NRG1: variants seen among roughly 807,000 people sequenced by gnomAD.
NRG1 encodes pro-neuregulin-1, membrane-bound isoform.
In NRG1, 18 loss-of-function variants were observed where a neutral mutation model predicts 63.8. The observed-to-expected ratio is 0.28, with a 90% CI of 0.19 to 0.42. The LOEUF is 0.42. Among genes scored for constraint, NRG1 ranks in the 10% least tolerant of loss-of-function variants. The probability of loss-of-function intolerance (pLI) is 1.00; values close to 1 mark genes in which losing one functional copy is unlikely to be tolerated. For missense variants in NRG1, 762 were observed against 814.7 expected, an observed-to-expected ratio of 0.94 and a Z score of 0.79; for synonymous variants, 302 against 301.3, an observed-to-expected ratio of 1.00 and a Z score of -0.02.
rs148886067 is a variant in NRG1 at position 32,149,693 on chromosome 8, G to A, written c.38-446135G>A. Among the ~76,000 whole-genome samples, 89 of 152,280 alleles carry A rather than the reference G, an allele frequency of 5.8e-4. No individual in the cohort carries two copies. In the East Asian group the frequency reaches 0.016, roughly 28 times the overall value. On this transcript the variant is annotated intron_variant, in intron 1 of 10. Transcript: ENST00000519301. ...TTAAAGAAAAAGGCGGAAGAATGAGGTAAAATGGCCACTATCTGTCAGGAA... is the reference window on the plus strand; with the variant it reads ...TTAAAGAAAAAGGCGGAAGAATGAGATAAAATGGCCACTATCTGTCAGGAA...
At chr8:32,295,617 C>T (rs980308076) in intron 1 of NRG1, among the ~76,000 whole-genome samples, 5 of 152,072 alleles carry the variant, frequency 3.3e-5, no homozygotes, top group Admixed American at 1.3e-4. Context: ...GCATTTTGGT[C>T]TTTCTATCTC....
chr8:32,369,091 G>A (rs1808463855), intron 1 of NRG1, among the ~76,000 whole-genome samples: 1 of 152,222 alleles, frequency 6.6e-6, no homozygotes, highest in Non-Finnish European at 1.5e-5. Flanking sequence ...GGTTGACAGA[G>A]GGAAATTGAT....
At chr8:31,962,763 A>G (rs1192915099) in intron 1 of NRG1, among the ~76,000 whole-genome samples, 3 of 152,120 alleles carry the variant, frequency 2.0e-5, no homozygotes, top group Non-Finnish European at 1.5e-5. Context: ...GTTGCCTGCC[A>G]TTTCTCTTAT....
rs78334233 is a variant in NRG1, at chr8:31,971,753, T to C, written c.37+332322T>C. The stretch of plus-strand genomic sequence containing the variant: ...AACCTTGAAGACAATTTTAGTTACC[T>C]CCAGGCTAATCATTTCCTTTTTCTT... On this transcript the variant is annotated intron_variant, in intron 1 of 10. Transcript: ENST00000519301. Among the ~76,000 whole-genome samples the C allele has an allele frequency of 1.9e-3, 289 of 152,264 alleles. 9 individuals carry two copies. The East Asian group carries it at 0.05, about 26-fold the overall frequency.
intron 1 of NRG1, among the ~76,000 whole-genome samples, chr8:32,558,816 C>T (rs190653826): frequency 5.3e-5 from 8 of 152,206 alleles, no homozygotes; most frequent in African/African-American, 1.2e-4. Context: ...GCACGTGGCT[C>T]ATGCCTGTAA....
chr8:32,220,419 A>T (rs1286187768), intron 1 of NRG1, among the ~76,000 whole-genome samples: 1 of 151,912 alleles, frequency 6.6e-6, no homozygotes, highest in East Asian at 1.9e-4. Context: ...AATATAAGGG[A>T]CGGAGCGGAG....
At chr8:32,728,246 CCT>C (rs1411962157) in intron 6 of NRG1, 168 bp downstream of exon 6, 20 of 985,258 alleles carry the variant, frequency 2.0e-5, no homozygotes, top group South Asian at 4.7e-5. Context: ...CGTCATCACT[CCT>C]CTGTCATATG....
chr8:31,913,992 A>C (rs564649427), intron 1 of NRG1, among the ~76,000 whole-genome samples: 1 of 152,192 alleles, frequency 6.6e-6, no homozygotes, highest in Non-Finnish European at 1.5e-5. Context: ...CGAGCAGTAC[A>C]TCATAGCAAC....
At chr8:32,239,232 T>C (rs187771580) in intron 1 of NRG1, among the ~76,000 whole-genome samples, 1 of 151,866 alleles carries the variant, frequency 6.6e-6, no homozygotes, top group East Asian at 1.9e-4. Flanking sequence ...ACTTTGAGTT[T>C]TGACAAAAAA....
At chr8:31,918,638 A>G (rs1299287999) in intron 1 of NRG1, among the ~76,000 whole-genome samples, 5 of 152,108 alleles carry the variant, frequency 3.3e-5, no homozygotes, top group Non-Finnish European at 5.9e-5. Flanking sequence ...ATCAATGTTC[A>G]TCAAGGATAT....
rs567767113 is a variant in NRG1, at chr8:32,106,959, ACGC to A, written c.37+467530_37+467532del. 9.0e-4 allele frequency among the ~76,000 whole-genome samples: 137 copies of A among 152,324 alleles called. 1 individual carries two copies. Among genetic ancestry groups the A allele is most frequent in the African/African-American group, 3.1e-3 (128 of 41,568 alleles). ...AAGTTTTGGCCAGCCGCAGTGGCTCACGCCTGTAATCCCAGTACTTTGCCCGAG... is the reference window on the plus strand; with the variant it reads ...AAGTTTTGGCCAGCCGCAGTGGCTCACTGTAATCCCAGTACTTTGCCCGAG... On this transcript the variant is annotated intron_variant, in intron 1 of 10. Transcript: ENST00000519301.
At chr8:32,078,232 G>T (rs974298605) in intron 1 of NRG1, among the ~76,000 whole-genome samples, 3 of 152,136 alleles carry the variant, frequency 2.0e-5, no homozygotes, top group Admixed American at 2.0e-4. Context: ...TTCTTACTCT[G>T]TTAGTTCATG....
intron 1 of NRG1, among the ~76,000 whole-genome samples, chr8:32,297,566 C>T (rs1450528646): frequency 6.6e-6 from 1 of 152,118 alleles, no homozygotes; most frequent in Non-Finnish European, 1.5e-5. Context: ...CCAGGGTCTC[C>T]AAGCATGAAG....
At chr8:31,851,109 T>C (rs1827170317) in intron 1 of NRG1, among the ~76,000 whole-genome samples, 1 of 152,218 alleles carries the variant, frequency 6.6e-6, no homozygotes, top group Non-Finnish European at 1.5e-5. Flanking sequence ...TCTGTGGAGA[T>C]TAAAGTTCTC....
chr8:31,949,641 A>G (rs1215370656), intron 1 of NRG1, among the ~76,000 whole-genome samples: 1 of 151,980 alleles, frequency 6.6e-6, no homozygotes, highest in Non-Finnish European at 1.5e-5. Flanking sequence ...TCCTCTGCCT[A>G]ATTTCTCATT....
intron 6 of NRG1, among the ~76,000 whole-genome samples, chr8:32,736,551 G>A (rs1176849578): frequency 1.3e-5 from 2 of 152,218 alleles, no homozygotes; most frequent in African/African-American, 4.8e-5. Context: ...TTTAATATTT[G>A]TAAACATAGG....
chr8:31,749,533 T>G (rs572629237), intron 1 of NRG1, among the ~76,000 whole-genome samples: 8 of 151,998 alleles, frequency 5.3e-5, no homozygotes, highest in Non-Finnish European at 8.8e-5. Flanking sequence ...CGCAATTGAA[T>G]TCTCAGATCA....
At chr8:32,469,807 A>T (rs1444398775) in intron 1 of NRG1, among the ~76,000 whole-genome samples, 1 of 152,186 alleles carries the variant, frequency 6.6e-6, no homozygotes, top group Non-Finnish European at 1.5e-5. Context: ...AAGGAATAAG[A>T]TCAAAGAATA....
intron 1 of NRG1, among the ~76,000 whole-genome samples, chr8:32,447,909 G>A (rs1587709834): frequency 6.6e-6 from 1 of 151,820 alleles, no homozygotes; most frequent in East Asian, 1.9e-4. Flanking sequence ...ATGGTAAAAG[G>A]AAGGATGACT....
Sources: allele counts gnomAD v4.1 joint callset (sites outside exome capture counted in the v4.1 genomes callset), GRCh38; gene constraint gnomAD v4.1.1; transcripts MANE v1.5; gene names NCBI Gene and HGNC (gene_info 2026-07-23, HGNC 2026-07-21).